The following MBOAT2 variants were observed in gnomAD, a reference collection of about 807,000 sequenced individuals.
MBOAT2 encodes the protein membrane-bound glycerophospholipid O-acyltransferase 2.
A neutral mutation model predicts 63.4 loss-of-function variants in MBOAT2; 28 were observed. The observed-to-expected ratio is 0.44, with a 90% CI of 0.33 to 0.61. The LOEUF (loss-of-function observed/expected upper bound fraction) is 0.61. MBOAT2 is among the 20% of genes least tolerant of loss of function. The pLI is 0.03. For missense variants in MBOAT2, 470 were observed against 605.8 expected, an observed-to-expected ratio of 0.78 and a Z score of 2.35; for synonymous variants, 211 against 215.6, an observed-to-expected ratio of 0.98 and a Z score of 0.19.
At chr2:8,996,178 G>A (rs903064797) in intron 1 of MBOAT2, among the ~76,000 whole-genome samples, 5 of 152,326 alleles carry the variant, frequency 3.3e-5, no homozygotes, top group South Asian at 2.1e-4. Context: ...GGAAGTAACT[G>A]ATGAGTGCTG....
intron 4 of MBOAT2, among the ~76,000 whole-genome samples, chr2:8,903,103 T>C (rs1665081678): frequency 6.6e-6 from 1 of 152,046 alleles, no homozygotes; most frequent in African/African-American, 2.4e-5. Flanking sequence ...CCCCACCCGA[T>C]TAGCTAGACA....
intron 3 of MBOAT2, among the ~76,000 whole-genome samples, chr2:8,929,052 TG>T (rs1667129873): frequency 6.6e-6 from 1 of 151,834 alleles, no homozygotes; most frequent in African/African-American, 2.4e-5. Flanking sequence ...GAAAAGGTAG[TG>T]GGGAGGTGGG....
At chr2:8,897,985 T>C (rs771274955) in intron 4 of MBOAT2, among the ~76,000 whole-genome samples, 18 of 152,220 alleles carry the variant, frequency 1.2e-4, no homozygotes, top group Non-Finnish European at 2.5e-4. Context: ...TTTCCTTGTA[T>C]TATTTTGATA....
intron 1 of MBOAT2, among the ~76,000 whole-genome samples, chr2:8,959,117 G>C (rs747568709): frequency 4.6e-5 from 7 of 152,188 alleles, no homozygotes; most frequent in Non-Finnish European, 5.9e-5. Flanking sequence ...TGGAGGATCT[G>C]GTGGGATGCA....
chr2:8,931,543 T>C (rs1667320567), intron 3 of MBOAT2, among the ~76,000 whole-genome samples: 2 of 152,228 alleles, frequency 1.3e-5, no homozygotes, highest in Non-Finnish European at 2.9e-5. Context: ...AGGTGGACTG[T>C]TCACTCTGAT....
chr2:8,892,802 C>A (rs944985431), intron 4 of MBOAT2, among the ~76,000 whole-genome samples: 2 of 152,014 alleles, frequency 1.3e-5, no homozygotes, highest in African/African-American at 4.8e-5. Context: ...GTAAGTTCAA[C>A]AGCCCCAGGA....
Position 9,003,521 on chromosome 2 carries a change from C to T in MBOAT2, c.75+19G>A. On this transcript the variant is annotated intron_variant, in intron 1 of 12. Coordinates refer to ENST00000305997, the MANE Select transcript of MBOAT2 (RefSeq NM_138799.4). The surrounding 1 kb of genome is among the most constrained non-coding windows in gnomAD (Gnocchi z 5.4). ...GGCGGCGAGGGCGCGACGCCCGGCG[C>T]CAGGGCGCCTCGGGGTACCTGGTCG... is the stretch of plus-strand genomic sequence containing the variant. The T allele has an allele frequency of 8.4e-7, 1 of 1,191,338 alleles. No homozygotes were observed. The highest frequency in any genetic ancestry group is 3.8e-5 in the East Asian group (1 of 26,132). 73.8% of individuals were successfully genotyped at this position (1,191,338 alleles called of 1,614,324 possible). A position where few individuals can be genotyped will look rare whatever the true frequency, so the allele number is the denominator to read the frequency against.
At chr2:8,878,695 T>C (rs1285672419) in intron 6 of MBOAT2, among the ~76,000 whole-genome samples, 1 of 152,224 alleles carries the variant, frequency 6.6e-6, no homozygotes, top group Non-Finnish European at 1.5e-5. Context: ...AAAATAGTGA[T>C]TCCTGTCCAT....
chr2:8,879,705 A>G (rs1025101574), intron 6 of MBOAT2, among the ~76,000 whole-genome samples: 9 of 152,184 alleles, frequency 5.9e-5, no homozygotes, highest in Non-Finnish European at 1.2e-4. Context: ...AGTAACAACC[A>G]AAAGTGTCTA....
At chr2:8,919,935 A>G (rs533611821) in intron 3 of MBOAT2, among the ~76,000 whole-genome samples, 1 of 151,876 alleles carries the variant, frequency 6.6e-6, no homozygotes, top group Non-Finnish European at 1.5e-5. Context: ...TCTACTTATA[A>G]ACAACTTTTT....
intron 6 of MBOAT2, among the ~76,000 whole-genome samples, chr2:8,878,467 A>G (rs1662861901): frequency 6.6e-6 from 1 of 152,146 alleles, no homozygotes; most frequent in Non-Finnish European, 1.5e-5. Context: ...TCTCTCCTTA[A>G]AAAATACAAA....
In MBOAT2 at chr2:8,908,735, C is replaced by T. The variant is rs1665506177; in HGVS notation, c.300-19G>A. On this transcript the variant is annotated intron_variant, in intron 3 of 12. Coordinates refer to ENST00000305997, the MANE Select transcript of MBOAT2 (RefSeq NM_138799.4). ...GCAGTAACTGCAAAACAAAAATAAG[C>T]TACATTAATGAAAATAAGACTCATT... is the stretch of plus-strand genomic sequence containing the variant. 6.8e-7 allele frequency: 1 copy of T among 1,466,370 alleles called. No individual in the cohort carries two copies. The highest frequency in any genetic ancestry group is 9.5e-7 in the Non-Finnish European group (1 of 1,053,400). The allele number at this position is 1,466,370 out of a possible 1,614,324, so 90.8% of individuals were successfully genotyped here. A position where few individuals can be genotyped will look rare whatever the true frequency, so the allele number is the denominator to read the frequency against.
intron 3 of MBOAT2, among the ~76,000 whole-genome samples, chr2:8,926,906 T>A (rs947144462): frequency 6.6e-6 from 1 of 152,196 alleles, no homozygotes; most frequent in Admixed American, 6.5e-5. Flanking sequence ...ACCCACTTAG[T>A]GCTTACTACA....
intron 1 of MBOAT2, among the ~76,000 whole-genome samples, chr2:8,989,011 A>AT (rs1671750095): frequency 6.6e-6 from 1 of 152,240 alleles, no homozygotes; most frequent in Non-Finnish European, 1.5e-5. Context: ...ATTGTTTTGA[A>AT]TCTATGGAGG....
At chr2:8,919,895 C>A (rs942166007) in intron 3 of MBOAT2, among the ~76,000 whole-genome samples, 2 of 152,032 alleles carry the variant, frequency 1.3e-5, no homozygotes, top group Admixed American at 1.3e-4. Flanking sequence ...GCTAGGACTA[C>A]AGGTGTGCGC....
chr2:8,984,905 A>G (rs779843941), intron 1 of MBOAT2, among the ~76,000 whole-genome samples: 1 of 152,128 alleles, frequency 6.6e-6, no homozygotes, highest in African/African-American at 2.4e-5. Flanking sequence ...GTCGCCCCCA[A>G]TGGTCTGAAC....
intron 1 of MBOAT2, among the ~76,000 whole-genome samples, chr2:8,983,941 C>T (rs1671374904): frequency 6.6e-6 from 1 of 152,076 alleles, no homozygotes; most frequent in African/African-American, 2.4e-5. Flanking sequence ...TCTCAGCATA[C>T]AGAAGACTTT....
chr2:8,899,847 C>T (rs1664782709), intron 4 of MBOAT2, among the ~76,000 whole-genome samples: 1 of 152,158 alleles, frequency 6.6e-6, no homozygotes, highest in African/African-American at 2.4e-5. Flanking sequence ...TGGGCCTGTT[C>T]CTCTTGGTCC....
intron 2 of MBOAT2, among the ~76,000 whole-genome samples, chr2:8,949,464 A>T: frequency 6.7e-6 from 1 of 150,072 alleles, no homozygotes; most frequent in South Asian, 2.1e-4. Flanking sequence ...CAGGGTTCTT[A>T]CAGTTTGAGG....
Sources: allele counts gnomAD v4.1 joint callset (sites outside exome capture counted in the v4.1 genomes callset), GRCh38; gene constraint gnomAD v4.1.1; non-coding constraint Gnocchi (gnomAD v3.1); transcripts MANE v1.5; gene names NCBI Gene and HGNC (gene_info 2026-07-23, HGNC 2026-07-21).